Variants in AVL9 observed in about 807,000 individuals in gnomAD.
The protein encoded by AVL9 is AVL9 cell migration associated.
A neutral mutation model predicts 79.2 loss-of-function variants in AVL9; 49 were observed. The ratio of observed to expected loss-of-function variants is 0.62; its 90% CI spans 0.49 to 0.79. The LOEUF is 0.79. Among genes scored for constraint, AVL9 ranks in the 30% least tolerant of loss-of-function variants. The probability of loss-of-function intolerance (pLI) is 0.00; values close to 1 mark genes in which losing one functional copy is unlikely to be tolerated. For synonymous variants in AVL9, 299 were observed against 280.6 expected (o/e 1.07, Z -0.65); for missense variants, 682 against 776.8 (o/e 0.88, Z 1.45).
At chr7:32,531,561 G>A (rs1285911883) in intron 1 of AVL9, 1 of 151,950 alleles carries the variant, frequency 6.6e-6, no homozygotes, top group East Asian at 2.0e-4. Flanking sequence ...CCCTTTGCGG[G>A]ACTCACAACA....
chr7:32,523,546 C>T (rs1425025590), intron 1 of AVL9, among the ~76,000 whole-genome samples: 4 of 112,210 alleles, frequency 3.6e-5, no homozygotes, highest in East Asian at 2.9e-4. Flanking sequence ...GATGGAATCT[C>T]GCTCCATCTC....
chr7:32,582,303 C>T (rs1326015383), intron 15 of AVL9, among the ~76,000 whole-genome samples: 1 of 152,210 alleles, frequency 6.6e-6, no homozygotes, highest in Non-Finnish European at 1.5e-5. Flanking sequence ...GAACACAATT[C>T]AAAAGCCCCA....
rs557904071 is a variant in AVL9 at position 32,586,625 on chromosome 7, G to C, written c.*2718G>C. On this transcript the variant is annotated 3_prime_UTR_variant, in exon 16 of 16. Transcript: ENST00000318709. Reference sequence around the variant, plus strand: ...CTGGTGAAGGTGTGTGTGTGTTGGTGGCCACACTTGCTAAGGCTTTTGTGT... The same window carrying C: ...CTGGTGAAGGTGTGTGTGTGTTGGTCGCCACACTTGCTAAGGCTTTTGTGT... The C allele has an allele frequency of 6.6e-6, 1 of 152,280 alleles. No individual in the cohort carries two copies. The highest frequency in any genetic ancestry group is 2.4e-5 in the African/African-American group (1 of 41,538). The allele number at this position is 152,280 out of a possible 1,614,324, so 9.4% of individuals were successfully genotyped here.
At chr7:32,497,898 G>C (rs556199789) in intron 1 of AVL9, among the ~76,000 whole-genome samples, 1 of 152,110 alleles carries the variant, frequency 6.6e-6, no homozygotes, top group Non-Finnish European at 1.5e-5. Flanking sequence ...TGATCCGCCC[G>C]CCTCGGCCTC....
intron 1 of AVL9, among the ~76,000 whole-genome samples, chr7:32,509,012 T>A (rs1222598437): frequency 6.6e-6 from 1 of 152,216 alleles, no homozygotes; most frequent in Non-Finnish European, 1.5e-5. Context: ...TGATTGAGAT[T>A]GTATTGAATC....
rs749179240 is a variant in AVL9, at chr7:32,570,157, A to G, written c.1350+3A>G. 2 of 1,614,164 alleles carry G rather than the reference A, an allele frequency of 1.2e-6. No individual in the cohort carries two copies. Among genetic ancestry groups the G allele is most frequent in the Admixed American group, 1.7e-5 (1 of 60,022 alleles). On this transcript the variant is annotated splice_donor_region_variant and intron_variant, in intron 11 of 15. Coordinates refer to ENST00000318709, the MANE Select transcript of AVL9 (RefSeq NM_015060.3). Reference sequence around the variant, plus strand: ...ACCTCAGTGATGCCATTGTGGAAGTACGTTTATGTGTGAGTGTGTGTATTT... The same window carrying G: ...ACCTCAGTGATGCCATTGTGGAAGTGCGTTTATGTGTGAGTGTGTGTATTT...
intron 11 of AVL9, among the ~76,000 whole-genome samples, chr7:32,572,846 G>C (rs1237570186): frequency 7.2e-6 from 1 of 138,398 alleles, no homozygotes; most frequent in African/African-American, 2.8e-5. Context: ...GCACGCAAAA[G>C]AAAAAGTATT....
intron 1 of AVL9, among the ~76,000 whole-genome samples, chr7:32,540,871 C>CTTTTT (rs749306635): frequency 5.5e-5 from 4 of 72,468 alleles, no homozygotes; most frequent in African/African-American, 1.4e-4. Context: ...TGTTGTACTA[C>CTTTTT]TTTTTTTTTT....
At chr7:32,496,550 T>C (rs1391780155) in intron 1 of AVL9, among the ~76,000 whole-genome samples, 1 of 152,226 alleles carries the variant, frequency 6.6e-6, no homozygotes. Context: ...AATCTATGTA[T>C]TGAAGGCAAG....
intron 1 of AVL9, chr7:32,537,403 A>G (rs994852913): frequency 3.9e-5 from 6 of 151,948 alleles, no homozygotes; most frequent in Non-Finnish European, 8.8e-5. Context: ...AGAAAAACTC[A>G]ACAATAGAGG....
chr7:32,521,719 T>A (rs1164898116), intron 1 of AVL9, among the ~76,000 whole-genome samples: 3 of 152,196 alleles, frequency 2.0e-5, no homozygotes, highest in East Asian at 3.9e-4. Flanking sequence ...AGGAGCCTAA[T>A]GTTAGTCCCC....
In AVL9 at chr7:32,583,772, T is replaced by C; in HGVS notation, c.1832-20T>C. ...AAAAGTTAAGACATTTTTCCTTTTG[T>C]TTTTCTCCTCTCCATCCAGGCCAGT... On this transcript the variant is annotated intron_variant, in intron 15 of 15. Transcript: ENST00000318709. The C allele has an allele frequency of 6.5e-7, 1 of 1,534,344 alleles. No individual in the cohort carries two copies. Among genetic ancestry groups the C allele is most frequent in the Non-Finnish European group, 9.0e-7 (1 of 1,116,244 alleles).
chr7:32,541,193 G>A (rs1449114651), intron 1 of AVL9, among the ~76,000 whole-genome samples: 2 of 151,938 alleles, frequency 1.3e-5, no homozygotes, highest in African/African-American at 2.4e-5. Flanking sequence ...GAGCCACCGC[G>A]CCCGGCCTGT....
chr7:32,496,842 T>C (rs543889380), intron 1 of AVL9, among the ~76,000 whole-genome samples: 26 of 152,218 alleles, frequency 1.7e-4, no homozygotes, highest in Non-Finnish European at 3.1e-4. Context: ...TCCTCACACC[T>C]GGAATGCCAG....
intron 4 of AVL9, 86 bp from the exon 5 acceptor site, chr7:32,551,240 AGTTGTGGG>A (rs747346294): frequency 1.9e-4 from 146 of 788,876 alleles, no homozygotes; most frequent in Non-Finnish European, 2.9e-4. Flanking sequence ...CAAATTAAAA[AGTTGTGGG>A]GTTCTGTTTG....
intron 1 of AVL9, among the ~76,000 whole-genome samples, chr7:32,509,141 G>A (rs372303361): frequency 2.0e-5 from 3 of 152,122 alleles, no homozygotes; most frequent in Admixed American, 6.5e-5. Context: ...CCTTTCTGGC[G>A]TGGAAGCAGC....
intron 5 of AVL9, among the ~76,000 whole-genome samples, chr7:32,551,754 A>G (rs1789838628): frequency 6.6e-6 from 1 of 152,030 alleles, no homozygotes; most frequent in African/African-American, 2.4e-5. Context: ...ATTTTTATAT[A>G]TTAGGTTTCT....
At chr7:32,558,456 A>C in intron 8 of AVL9, 103 bp from the exon 9 acceptor site, 2 of 857,826 alleles carry the variant, frequency 2.3e-6, no homozygotes. Flanking sequence ...GCGCCCGGCC[A>C]GCTGTTATTC....
chr7:32,540,249 T>A (rs1195639220), intron 1 of AVL9, among the ~76,000 whole-genome samples: 21 of 152,236 alleles, frequency 1.4e-4, no homozygotes. Flanking sequence ...AACATTTTTG[T>A]ATGTATCTGA....
Sources: allele counts gnomAD v4.1 joint callset (sites outside exome capture counted in the v4.1 genomes callset), GRCh38; gene constraint gnomAD v4.1.1; transcripts MANE v1.5; gene names NCBI Gene and HGNC (gene_info 2026-07-23, HGNC 2026-07-21).